The following RAB6B variants were observed in gnomAD, a reference collection of about 807,000 sequenced individuals.
The protein encoded by RAB6B is RAB6B, member RAS oncogene family.
A neutral mutation model predicts 31.2 loss-of-function variants in RAB6B; 7 were observed. That is an observed-to-expected ratio of 0.22 (90% confidence interval 0.13 to 0.42). RAB6B has a LOEUF of 0.42. RAB6B is among the 10% of genes least tolerant of loss of function. The probability of loss-of-function intolerance (pLI) is 1.00; values close to 1 mark genes in which losing one functional copy is unlikely to be tolerated. For missense variants in RAB6B, 149 were observed against 280.6 expected, an observed-to-expected ratio of 0.53 and a Z score of 3.35; for synonymous variants, 105 against 104.9, an observed-to-expected ratio of 1.00 and a Z score of -0.01.
rs1313961554 is a variant in RAB6B at position 133,828,729 on chromosome 3, C to T, written c.*59G>A. On this transcript the variant is annotated 3_prime_UTR_variant, in exon 8 of 8. Coordinates refer to ENST00000285208, the MANE Select transcript of RAB6B (RefSeq NM_016577.4). ...TTCCCTCCCCCCTTAGGAAGCTAGC[C>T]AATAGGAAGCAACACAACAAGCAAG... 1 of 1,520,110 alleles carries T rather than the reference C, an allele frequency of 6.6e-7. No individual in the cohort carries two copies. The highest frequency in any genetic ancestry group is 9.1e-7 in the Non-Finnish European group (1 of 1,097,720). The allele number at this position is 1,520,110 out of a possible 1,614,324, so 94.2% of individuals were successfully genotyped here. A position where few individuals can be genotyped will look rare whatever the true frequency, so the allele number is the denominator to read the frequency against.
intron 1 of RAB6B, among the ~76,000 whole-genome samples, chr3:133,869,613 CA>C (rs893150450): frequency 5.9e-5 from 9 of 152,204 alleles, no homozygotes; most frequent in African/African-American, 1.7e-4. Flanking sequence ...GACATTCCAT[CA>C]GGGGGTGAAT....
At chr3:133,866,101 A>G (rs1364901573) in intron 1 of RAB6B, among the ~76,000 whole-genome samples, 1 of 152,248 alleles carries the variant, frequency 6.6e-6, no homozygotes, top group East Asian at 1.9e-4. Context: ...TGTAGTAAGA[A>G]TTAAATCAGG....
At chr3:133,877,744 T>TTTCTGTTA (rs1366077303) in intron 1 of RAB6B, among the ~76,000 whole-genome samples, 13 of 148,594 alleles carry the variant, frequency 8.7e-5, no homozygotes, top group African/African-American at 2.9e-4. Flanking sequence ...TTATTATATA[T>TTTCTGTTA]TATAACTGTT....
chr3:133,833,532 C>T (rs1340429010), intron 7 of RAB6B, among the ~76,000 whole-genome samples: 2 of 152,216 alleles, frequency 1.3e-5, no homozygotes, highest in Admixed American at 6.5e-5. Context: ...CCCCTTGCTG[C>T]AGCCCTGGGA....
At chr3:133,850,137 A>G (rs1935957550) in intron 2 of RAB6B, among the ~76,000 whole-genome samples, 1 of 152,196 alleles carries the variant, frequency 6.6e-6, no homozygotes, top group South Asian at 2.1e-4. Flanking sequence ...ACTGAAAACA[A>G]AATAAAACAG....
chr3:133,851,413 C>T (rs558833786), intron 2 of RAB6B, among the ~76,000 whole-genome samples: 3 of 152,258 alleles, frequency 2.0e-5, no homozygotes, highest in South Asian at 2.1e-4. Context: ...AACTGATAAA[C>T]GACCAAAGAA....
chr3:133,876,297 C>T (rs1936396100), intron 1 of RAB6B, among the ~76,000 whole-genome samples: 1 of 152,208 alleles, frequency 6.6e-6, no homozygotes, highest in South Asian at 2.1e-4. Flanking sequence ...TGCCAGAACA[C>T]AGCATAGGAG....
intron 1 of RAB6B, among the ~76,000 whole-genome samples, chr3:133,871,792 A>ACTAGCTAGCC (rs1384712918): frequency 1.3e-5 from 2 of 152,242 alleles, no homozygotes; most frequent in Non-Finnish European, 2.9e-5. Context: ...TGTACCACCC[A>ACTAGCTAGCC]CTAGCTAGCC....
intron 2 of RAB6B, among the ~76,000 whole-genome samples, chr3:133,859,530 C>T (rs184867381): frequency 9.3e-4 from 141 of 152,272 alleles, no homozygotes; most frequent in African/African-American, 3.2e-3. Flanking sequence ...TTGGGTCCTA[C>T]CTCACCTACA....
intron 2 of RAB6B, among the ~76,000 whole-genome samples, chr3:133,854,353 T>C (rs976059889): frequency 1.3e-5 from 2 of 152,194 alleles, no homozygotes; most frequent in African/African-American, 4.8e-5. Context: ...TTTTTGCTGG[T>C]AACTATTTTA....
chr3:133,828,825 T>G lies in RAB6B; in HGVS notation c.590A>C (p.Gln197Pro). ...GCCGCCCTCGCTGGCCGGGGGCTCC[T>G]GGGGTTTGTCCAGCTTGATGTCGAT... ...GMIDIKLDKP[Q>P]EPPASEGGCS... The change falls in exon 8 of 8, where the codon CAG becomes CCG. Residue 197 changes from glutamine (Q) to proline (P), a missense_variant. Transcript: ENST00000285208. The G allele has an allele frequency of 6.2e-7, 1 of 1,613,296 alleles. No homozygotes were observed. The highest frequency in any genetic ancestry group is 8.5e-7 in the Non-Finnish European group (1 of 1,179,620).
At chr3:133,834,476 G>C (rs1352656462) in intron 7 of RAB6B, 99 bp downstream of exon 7, 1 of 1,319,154 alleles carries the variant, frequency 7.6e-7, no homozygotes, top group African/African-American at 1.4e-5. Context: ...GGGAAGGCTG[G>C]GCGGGGACTG....
rs544035636 is a variant in RAB6B at position 133,838,277 on chromosome 3, G to A, written c.402-18C>T. On this transcript the variant is annotated intron_variant, in intron 5 of 7. Transcript: ENST00000285208. The stretch of plus-strand genomic sequence containing the variant: ...TTATCTGCCTAGAGATGAGGGGAAG[G>A]GGGGAAATCAGCTCAGCAGAGAAGC... 4 of 1,607,314 alleles carry A rather than the reference G, an allele frequency of 2.5e-6. No homozygotes were observed. Among genetic ancestry groups the A allele is most frequent in the Non-Finnish European group, 3.4e-6 (4 of 1,173,848 alleles).
chr3:133,895,787 G>GCGGA lies in RAB6B; in HGVS notation c.-322_-321insTCCG. 1 of 348,778 alleles carries GCGGA rather than the reference G, an allele frequency of 2.9e-6. No homozygotes were observed. The highest frequency in any genetic ancestry group is 5.0e-5 in the Admixed American group (1 of 19,946). 21.6% of individuals were successfully genotyped at this position (348,778 alleles called of 1,614,324 possible). ...TGGGAGAGAGGCGCGGGCGGAGCGG[G>GCGGA]GCGCAGGGACGGCGCGCGGGGCGGA... On this transcript the variant is annotated 5_prime_UTR_variant, in exon 1 of 8. Transcript: ENST00000285208.
intron 1 of RAB6B, among the ~76,000 whole-genome samples, chr3:133,867,734 G>A (rs1936257643): frequency 6.6e-6 from 1 of 152,204 alleles, no homozygotes. Flanking sequence ...GAGGTGCCCT[G>A]GAAGTGCTTT....
chr3:133,828,960 T>A, intron 7 of RAB6B, 108 bp from the exon 8 acceptor site: 1 of 1,070,234 alleles, frequency 9.3e-7, no homozygotes, highest in Non-Finnish European at 1.3e-6. Context: ...TGCAAACACC[T>A]AGGGACTTGG....
intron 2 of RAB6B, among the ~76,000 whole-genome samples, chr3:133,863,336 G>T (rs1453249102): frequency 6.6e-6 from 1 of 152,212 alleles, no homozygotes; most frequent in Non-Finnish European, 1.5e-5. Context: ...TGTATTTAAG[G>T]CAAGGAGGAT....
At chr3:133,835,393 GTGTT>G (rs1409136072) in intron 6 of RAB6B, among the ~76,000 whole-genome samples, 5 of 152,088 alleles carry the variant, frequency 3.3e-5, no homozygotes, top group African/African-American at 4.8e-5. Context: ...CTTTATGTGT[GTGTT>G]TGTGTAAGTG....
At chr3:133,895,342 T>G (rs1936693721) in intron 1 of RAB6B, 55 bp downstream of exon 1, 22 of 1,568,180 alleles carry the variant, frequency 1.4e-5, no homozygotes, top group Non-Finnish European at 7.0e-6. Context: ...GGGTGGGCGA[T>G]TGGGCGGCGG....
Sources: allele counts gnomAD v4.1 joint callset (sites outside exome capture counted in the v4.1 genomes callset), GRCh38; gene constraint gnomAD v4.1.1; transcripts MANE v1.5; gene names NCBI Gene and HGNC (gene_info 2026-07-23, HGNC 2026-07-21).